The following MBD5 variants were observed in gnomAD, a reference collection of about 807,000 sequenced individuals.
MBD5 encodes the protein methyl-CpG binding domain protein 5.
A neutral mutation model predicts 117.3 loss-of-function variants in MBD5; 13 were observed. The ratio of observed to expected loss-of-function variants is 0.11; its 90% confidence interval spans 0.07 to 0.18. The LOEUF (loss-of-function observed/expected upper bound fraction) is 0.18. MBD5 is among the 10% of genes least tolerant of loss of function. The pLI is 1.00. For missense variants in MBD5, 1,879 were observed against 2,093.8 expected (o/e 0.90, Z 2.00); for synonymous variants, 727 against 766.4 (o/e 0.95, Z 0.85).
intron 4 of MBD5, among the ~76,000 whole-genome samples, chr2:148,404,761 T>C (rs995118017): frequency 5.3e-5 from 8 of 152,184 alleles, no homozygotes; most frequent in African/African-American, 1.9e-4. Context: ...TTTTTGGTTG[T>C]TTCAGGCAGG....
chr2:148,126,504 T>C (rs932201157), intron 1 of MBD5, among the ~76,000 whole-genome samples: 2 of 152,150 alleles, frequency 1.3e-5, no homozygotes, highest in East Asian at 1.9e-4. Context: ...TGGCTACATA[T>C]TACCTTCCAG....
intron 3 of MBD5, among the ~76,000 whole-genome samples, chr2:148,266,942 A>G (rs527411533): frequency 7.9e-5 from 12 of 152,288 alleles, no homozygotes; most frequent in East Asian, 7.7e-4. Flanking sequence ...GCAGAAGAAC[A>G]GATACTTATT....
chr2:148,305,529 A>C (rs1701871784), intron 3 of MBD5, among the ~76,000 whole-genome samples: 1 of 152,222 alleles, frequency 6.6e-6, no homozygotes, highest in South Asian at 2.1e-4. Context: ...TGGTCGACTG[A>C]GGGTGAGAGA....
chr2:148,037,414 T>C (rs1272548603), intron 1 of MBD5, among the ~76,000 whole-genome samples: 1 of 152,008 alleles, frequency 6.6e-6, no homozygotes, highest in African/African-American at 2.4e-5. Context: ...TATTATTTTG[T>C]AAATCCTGAT....
At chr2:148,135,806 T>C (rs1697154970) in intron 1 of MBD5, among the ~76,000 whole-genome samples, 2 of 152,200 alleles carry the variant, frequency 1.3e-5, no homozygotes, top group African/African-American at 4.8e-5. Context: ...CTGACCATCT[T>C]TGTGTCTGTT....
chr2:148,186,332 G>T (rs1698656567), intron 2 of MBD5, among the ~76,000 whole-genome samples: 1 of 152,166 alleles, frequency 6.6e-6, no homozygotes, highest in Admixed American at 6.5e-5. Context: ...CAGCCATGTA[G>T]CACTGTAAGT....
intron 3 of MBD5, among the ~76,000 whole-genome samples, chr2:148,293,807 T>G (rs1163326923): frequency 6.6e-6 from 1 of 152,202 alleles, no homozygotes. Context: ...ACTTCTTGTT[T>G]GTTGAATATT....
chr2:148,474,856 A>G lies in MBD5; in HGVS notation c.2518+4395A>G, dbSNP rs548658063. On this transcript the variant is annotated intron_variant, in intron 8 of 13. Transcript: ENST00000642680. ...ACCACAAAAGAACACTTTGGGTAAA[A>G]GACTACAAAGTAATGAGTTTGGTTT... Among the ~76,000 whole-genome samples, 3 of 152,322 alleles carry G rather than the reference A, an allele frequency of 2.0e-5. No individual in the cohort carries two copies. The South Asian group carries it at 6.2e-4, about 32-fold the overall frequency.
chr2:148,496,020 C>A (rs941688282), intron 11 of MBD5, among the ~76,000 whole-genome samples: 1 of 152,172 alleles, frequency 6.6e-6, no homozygotes, highest in African/African-American at 2.4e-5. Context: ...GAAGAATGTT[C>A]TTTCTGTGTT....
At chr2:148,140,658 T>C (rs1205161754) in intron 1 of MBD5, among the ~76,000 whole-genome samples, 2 of 152,248 alleles carry the variant, frequency 1.3e-5, no homozygotes, top group Admixed American at 6.5e-5. Flanking sequence ...ACTTTTTTCC[T>C]AATACATTTT....
chr2:148,080,995 C>T lies in MBD5; in HGVS notation c.-925+59311C>T, dbSNP rs146092075. 4.4e-3 allele frequency among the ~76,000 whole-genome samples: 666 copies of T among 152,198 alleles called. 4 individuals carry two copies. Among genetic ancestry groups the T allele is most frequent in the Non-Finnish European group, 7.3e-3 (493 of 67,998 alleles). On this transcript the variant is annotated intron_variant, in intron 1 of 13. Transcript: ENST00000642680. Reference sequence around the variant, plus strand: ...AAGATTAAATACGGAAAACCATTTGCTGCTTCTAATTATGGAAAATGTTTC... The same window carrying T: ...AAGATTAAATACGGAAAACCATTTGTTGCTTCTAATTATGGAAAATGTTTC...
chr2:148,135,904 G>T (rs557106467), intron 1 of MBD5, among the ~76,000 whole-genome samples: 2 of 152,056 alleles, frequency 1.3e-5, no homozygotes, highest in South Asian at 4.1e-4. Flanking sequence ...AAGACCTCTC[G>T]GGGCCCTGTA....
intron 1 of MBD5, among the ~76,000 whole-genome samples, chr2:148,039,872 T>G (rs540963480): frequency 6.6e-6 from 1 of 152,218 alleles, no homozygotes; most frequent in East Asian, 1.9e-4. Flanking sequence ...TTACTTAGTT[T>G]GAGAAAAAGT....
At chr2:148,166,623 G>A (rs568118632) in intron 1 of MBD5, among the ~76,000 whole-genome samples, 13 of 152,136 alleles carry the variant, frequency 8.5e-5, no homozygotes, top group East Asian at 3.9e-4. Context: ...GTGTATTTGC[G>A]TTTTCTCTGC....
intron 4 of MBD5, among the ~76,000 whole-genome samples, chr2:148,362,157 G>T (rs376650490): frequency 6.6e-6 from 1 of 152,180 alleles, no homozygotes; most frequent in Admixed American, 6.5e-5. Context: ...CTCCTGGAAA[G>T]GGGGCTGAAG....
At chr2:148,330,033 A>ACCC (rs56712549) in intron 3 of MBD5, among the ~76,000 whole-genome samples, 2 of 17,688 alleles carry the variant, frequency 1.1e-4, no homozygotes, top group Non-Finnish European at 2.1e-4. Context: ...GTAGGTAAGA[A>ACCC]CCCCCCCCCG....
chr2:148,163,044 T>C (rs1698045600), intron 1 of MBD5, among the ~76,000 whole-genome samples: 1 of 152,232 alleles, frequency 6.6e-6, no homozygotes, highest in Non-Finnish European at 1.5e-5. Context: ...ATCTTATCTG[T>C]CTCAGCCTGC....
At chr2:148,160,460 A>C (rs1363615485) in intron 1 of MBD5, among the ~76,000 whole-genome samples, 1 of 152,132 alleles carries the variant, frequency 6.6e-6, no homozygotes, top group African/African-American at 2.4e-5. Context: ...AAAATGTGGA[A>C]ATGTACCTGG....
intron 1 of MBD5, among the ~76,000 whole-genome samples, chr2:148,052,971 A>C (rs1234121334): frequency 6.8e-6 from 1 of 147,136 alleles, no homozygotes; most frequent in Non-Finnish European, 1.5e-5. Flanking sequence ...TCAAAAAAAA[A>C]AAAAAAAAAA....
Sources: gnomAD v4.1 joint callset for allele counts (sites outside exome capture counted in the v4.1 genomes callset) on GRCh38, gnomAD v4.1.1 for gene constraint, MANE v1.5 for transcripts, NCBI Gene and HGNC (gene_info 2026-07-23, HGNC 2026-07-21) for gene names.